The following TBCA variants were observed in gnomAD, a reference collection of about 807,000 sequenced individuals.
The protein encoded by TBCA is tubulin folding cofactor A.
In TBCA, 6 loss-of-function variants were observed where a neutral mutation model predicts 15.8. The observed-to-expected ratio is 0.38, with a 90% CI of 0.21 to 0.75. The LOEUF is 0.75. Among genes scored for constraint, TBCA ranks in the 30% least tolerant of loss-of-function variants. The pLI is 0.46. For missense variants in TBCA, 90 were observed against 131.2 expected, an observed-to-expected ratio of 0.69 and a Z score of 1.53; for synonymous variants, 32 against 42.3, an observed-to-expected ratio of 0.76 and a Z score of 0.94.
In TBCA at chr5:77,691,219, T is replaced by C. The variant is rs1414494845; in HGVS notation, c.*199A>G. 1 of 530,784 alleles carries C rather than the reference T, an allele frequency of 1.9e-6. No individual in the cohort carries two copies. Among genetic ancestry groups the C allele is most frequent in the Non-Finnish European group, 3.3e-6 (1 of 304,958 alleles). 32.9% of individuals were successfully genotyped at this position (530,784 alleles called of 1,614,324 possible). A position where few individuals can be genotyped will look rare whatever the true frequency, so the allele number is the denominator to read the frequency against. On this transcript the variant is annotated 3_prime_UTR_variant, in exon 4 of 4. Transcript: ENST00000380377. The stretch of plus-strand genomic sequence containing the variant: ...ATGATAAAAGGTTAATTTAAAAATT[T>C]TGTAAAGTATAAAATAAACAATTTT...
intron 2 of TBCA, among the ~76,000 whole-genome samples, chr5:77,699,555 A>C (rs557605433): frequency 6.6e-6 from 1 of 152,302 alleles, no homozygotes; most frequent in South Asian, 2.1e-4. Context: ...ATCTCAAACC[A>C]AACCTAACAC....
chr5:77,776,304 C>G lies in TBCA; in HGVS notation c.-47G>C, dbSNP rs577597180. 1.7e-5 allele frequency: 26 copies of G among 1,554,918 alleles called. No individual in the cohort carries two copies. Among genetic ancestry groups the G allele is most frequent in the Middle Eastern group, 2.3e-4 (1 of 4,370 alleles). ...AGGAGGGGCGGAGAGCCGGGGTAAC[C>G]GTGGAGGGCGACGCGCAGAGGCTGC... On this transcript the variant is annotated 5_prime_UTR_variant, in exon 1 of 4. Coordinates refer to ENST00000380377, the MANE Select transcript of TBCA (RefSeq NM_004607.3).
chr5:77,764,153 A>T (rs144864207), intron 1 of TBCA, among the ~76,000 whole-genome samples: 1 of 152,346 alleles, frequency 6.6e-6, no homozygotes, highest in Non-Finnish European at 1.5e-5. Context: ...AAAATAACCA[A>T]AAGTAAATGA....
intron 1 of TBCA, among the ~76,000 whole-genome samples, chr5:77,774,372 G>C (rs1202985743): frequency 6.6e-6 from 1 of 152,110 alleles, no homozygotes; most frequent in Non-Finnish European, 1.5e-5. Context: ...AAATTAACTA[G>C]GAGTCTGGGA....
At chr5:77,750,769 G>A (rs1747306117) in intron 1 of TBCA, among the ~76,000 whole-genome samples, 2 of 152,120 alleles carry the variant, frequency 1.3e-5, no homozygotes, top group African/African-American at 4.8e-5. Context: ...AGGTCCTGAG[G>A]CCAGGTGGTC....
chr5:77,727,447 G>C (rs1345204963), intron 1 of TBCA, among the ~76,000 whole-genome samples: 2 of 152,106 alleles, frequency 1.3e-5, no homozygotes, highest in Non-Finnish European at 2.9e-5. Context: ...TGATGGAGCT[G>C]TGTTGTTATT....
chr5:77,729,910 T>C (rs139210994), intron 1 of TBCA, among the ~76,000 whole-genome samples: 3 of 152,340 alleles, frequency 2.0e-5, no homozygotes, highest in South Asian at 4.1e-4. Context: ...GTGTTTATTA[T>C]GAGTTATCAA....
chr5:77,708,225 TTATGA>T lies in TBCA; in HGVS notation c.159+12_159+16del, dbSNP rs1401723776. 1.6e-6 allele frequency: 2 copies of T among 1,233,402 alleles called. No individual in the cohort carries two copies. Among genetic ancestry groups the T allele is most frequent in the African/African-American group, 2.8e-5 (2 of 70,414 alleles). The allele number at this position is 1,233,402 out of a possible 1,614,324, so 76.4% of individuals were successfully genotyped here. A position where few individuals can be genotyped will look rare whatever the true frequency, so the allele number is the denominator to read the frequency against. On this transcript the variant is annotated intron_variant, in intron 2 of 3. Transcript: ENST00000380377. ...TTCTGTAAATGTTAGCTATTGTTAT[TTATGA>T]TATAATTTTACCTGCTTTTTAATGT...
intron 1 of TBCA, among the ~76,000 whole-genome samples, chr5:77,723,105 A>C (rs1281930592): frequency 6.6e-6 from 1 of 151,796 alleles, no homozygotes; most frequent in African/African-American, 2.4e-5. Flanking sequence ...ATTTAGTTTG[A>C]AAAATTATAT....
intron 1 of TBCA, among the ~76,000 whole-genome samples, chr5:77,722,255 A>C (rs1746543879): frequency 6.6e-6 from 1 of 152,078 alleles, no homozygotes; most frequent in African/African-American, 2.4e-5. Context: ...AAACAAAGAC[A>C]CAGGAGCTGT....
intron 2 of TBCA, among the ~76,000 whole-genome samples, chr5:77,698,665 C>T (rs1745929787): frequency 6.6e-6 from 1 of 152,052 alleles, no homozygotes; most frequent in South Asian, 2.1e-4. Context: ...AATCAGTATT[C>T]CCAAATGATT....
Position 77,776,292 on chromosome 5 carries a change from A to G in TBCA, c.-35T>C, listed in dbSNP as rs371700955. On this transcript the variant is annotated 5_prime_UTR_variant, in exon 1 of 4. Coordinates refer to ENST00000380377, the MANE Select transcript of TBCA (RefSeq NM_004607.3). ...AGCGCCGCGAGAAGGAGGGGCGGAG[A>G]GCCGGGGTAACCGTGGAGGGCGACG... 5.1e-6 allele frequency: 8 copies of G among 1,563,146 alleles called. No individual in the cohort carries two copies. The African/African-American group carries it at 5.4e-5, about 11-fold the overall frequency.
intron 1 of TBCA, among the ~76,000 whole-genome samples, chr5:77,774,956 C>T (rs1219790686): frequency 6.8e-6 from 1 of 146,152 alleles, no homozygotes; most frequent in East Asian, 2.0e-4. Context: ...TCATTTTATT[C>T]CTGAATAAGA....
Position 77,691,302 on chromosome 5 carries a change from C to A in TBCA, c.*116G>T. ...TTAGACAAAGAAATATATATGTAAC[C>A]AGATAAAAACAATCACATTCTCATA... On this transcript the variant is annotated 3_prime_UTR_variant, in exon 4 of 4. Transcript: ENST00000380377. 3 of 759,410 alleles carry A rather than the reference C, an allele frequency of 4.0e-6. No individual in the cohort carries two copies. Among genetic ancestry groups the A allele is most frequent in the Non-Finnish European group, 6.4e-6 (3 of 472,044 alleles). The allele number at this position is 759,410 out of a possible 1,614,324, so 47.0% of individuals were successfully genotyped here.
At position 77,692,808 on chromosome 5, in the gene TBCA, T is replaced by C. The variant is rs1027981717; in HGVS notation, c.246+458A>G. 2.6e-5 allele frequency: 28 copies of C among 1,059,652 alleles called. No homozygotes were observed. In the South Asian group the frequency reaches 3.8e-4, roughly 14 times the overall value. 65.6% of individuals were successfully genotyped at this position (1,059,652 alleles called of 1,614,324 possible). A position where few individuals can be genotyped will look rare whatever the true frequency, so the allele number is the denominator to read the frequency against. ...TCCAAGTTAGTATGAGGGGACTACA[T>C]AGATTACCAGGTTTTTTCCCCCTCT... On this transcript the variant is annotated intron_variant, in intron 3 of 3. Coordinates refer to ENST00000380377, the MANE Select transcript of TBCA (RefSeq NM_004607.3).
chr5:77,739,281 T>C (rs1458202986), intron 1 of TBCA, among the ~76,000 whole-genome samples: 1 of 151,956 alleles, frequency 6.6e-6, no homozygotes, highest in East Asian at 1.9e-4. Flanking sequence ...GCCAACATGG[T>C]GAACCCTTGT....
chr5:77,737,051 A>G (rs1167625358), intron 1 of TBCA, among the ~76,000 whole-genome samples: 2 of 152,218 alleles, frequency 1.3e-5, no homozygotes, highest in Non-Finnish European at 2.9e-5. Context: ...TAACATCCCA[A>G]AAAGTTTTCT....
At chr5:77,723,277 T>A (rs2662377) in intron 1 of TBCA, among the ~76,000 whole-genome samples, 57,041 of 151,558 alleles carry the variant, frequency 0.38, 10,759 homozygotes, top group South Asian at 0.4. Context: ...AATTTTTTTT[T>A]AAAAAAAGTA....
At chr5:77,714,944 C>A (rs1004626095) in intron 1 of TBCA, among the ~76,000 whole-genome samples, 2 of 152,190 alleles carry the variant, frequency 1.3e-5, no homozygotes, top group Admixed American at 1.3e-4. Context: ...CTACAAAAAT[C>A]CCTGCCCTAT....
Sources: gnomAD v4.1 joint callset for allele counts (sites outside exome capture counted in the v4.1 genomes callset) on GRCh38, gnomAD v4.1.1 for gene constraint, MANE v1.5 for transcripts, NCBI Gene and HGNC (gene_info 2026-07-23, HGNC 2026-07-21) for gene names.